SCLT1: variants seen among roughly 807,000 people sequenced by gnomAD.
The protein encoded by SCLT1 is sodium channel and clathrin linker 1.
Under a neutral mutation model 112.8 loss-of-function variants are expected in SCLT1, and 78 were observed. The ratio of observed to expected loss-of-function variants is 0.69; its 90% confidence interval spans 0.58 to 0.83. SCLT1 has a LOEUF of 0.83. SCLT1 is among the 40% of genes least tolerant of loss of function. SCLT1 has a pLI of 0.00. For synonymous variants in SCLT1, 257 were observed against 254.7 expected (o/e 1.01, Z -0.09); for missense variants, 747 against 770.4 (o/e 0.97, Z 0.36).
chr4:128,965,554 T>C lies in SCLT1; in HGVS notation c.778-236A>G, dbSNP rs542684958. 5.3e-5 allele frequency among the ~76,000 whole-genome samples: 8 copies of C among 152,320 alleles called. No individual in the cohort carries two copies. In the East Asian group the frequency reaches 1.2e-3, roughly 22 times the overall value. ...AAATACTCCAAACAGTTATTGCACA[T>C]AGATTTCTACCAATATTTCAAACTA... is the stretch of plus-strand genomic sequence containing the variant. On this transcript the variant is annotated intron_variant, in intron 10 of 20. Transcript: ENST00000281142.
At chr4:128,936,900 C>T (rs556331778) in intron 17 of SCLT1, 49 bp from the exon 18 acceptor site, 2 of 804,628 alleles carry the variant, frequency 2.5e-6, no homozygotes, top group East Asian at 3.0e-5. Context: ...CTTATAGGTG[C>T]TATACAGATC....
chr4:128,961,301 G>C (rs1322203946), intron 11 of SCLT1, among the ~76,000 whole-genome samples: 1 of 152,028 alleles, frequency 6.6e-6, no homozygotes, highest in African/African-American at 2.4e-5. Flanking sequence ...CTAATGGCCA[G>C]TTGTATGAAT....
intron 4 of SCLT1, chr4:129,040,118 G>A (rs1747571857): frequency 1.4e-6 from 1 of 695,936 alleles, no homozygotes; most frequent in East Asian, 2.7e-5. Context: ...TTTCAACCGA[G>A]AAGATCAAGG....
intron 2 of SCLT1, among the ~76,000 whole-genome samples, chr4:129,078,511 A>T (rs1751655368): frequency 6.6e-6 from 1 of 151,884 alleles, no homozygotes; most frequent in Non-Finnish European, 1.5e-5. Context: ...TATCACTTAA[A>T]TTATTACAGT....
chr4:128,936,700 G>A lies in SCLT1; in HGVS notation c.1784C>T (p.Thr595Met), dbSNP rs373795627. ...QKAANRWKEE[T>M]KKLTESAEIR... Reference sequence around the variant, plus strand: ...TTCTGCACTTTCAGTAAGTTTCTTCGTTTCTTCTTTCCACCTATTGGCTGC... The same window carrying A: ...TTCTGCACTTTCAGTAAGTTTCTTCATTTCTTCTTTCCACCTATTGGCTGC... The change falls in exon 18 of 21, where the codon ACG becomes ATG. Residue 595 changes from threonine (T) to methionine (M), a missense_variant. Coordinates refer to ENST00000281142, the MANE Select transcript of SCLT1 (RefSeq NM_144643.4). 1.5e-5 allele frequency: 24 copies of A among 1,606,470 alleles called. 1 individual carries two copies. The South Asian group carries it at 1.6e-4, about 10-fold the overall frequency.
At chr4:129,023,403 T>C (rs915878220) in intron 5 of SCLT1, among the ~76,000 whole-genome samples, 1 of 152,106 alleles carries the variant, frequency 6.6e-6, no homozygotes, top group African/African-American at 2.4e-5. Flanking sequence ...AGGAGACCTA[T>C]CTCACGTGTA....
chr4:128,997,995 TA>T lies in SCLT1; in HGVS notation c.550-57del, dbSNP rs1015299743. 11 of 814,560 alleles carry T rather than the reference TA, an allele frequency of 1.4e-5. No homozygotes were observed. The African/African-American group carries it at 1.8e-4, about 13-fold the overall frequency. 50.5% of individuals were successfully genotyped at this position (814,560 alleles called of 1,614,324 possible). On this transcript the variant is annotated intron_variant, in intron 7 of 20. Coordinates refer to ENST00000281142, the MANE Select transcript of SCLT1 (RefSeq NM_144643.4). ...ATAGCATTTTGTTGTTTATAACCCA[TA>T]TTTAAAATTAAACTAAAATCAAGTC...
At chr4:129,005,113 A>T (rs1363508222) in intron 5 of SCLT1, among the ~76,000 whole-genome samples, 2 of 152,112 alleles carry the variant, frequency 1.3e-5, no homozygotes, top group Non-Finnish European at 2.9e-5. Context: ...TAGACCAATG[A>T]CATACTGTAT....
chr4:128,927,955 A>T lies in SCLT1; in HGVS notation c.1829+8700T>A, dbSNP rs1021230084. On this transcript the variant is annotated intron_variant, in intron 18 of 20. Coordinates refer to ENST00000281142, the MANE Select transcript of SCLT1 (RefSeq NM_144643.4). ...CAGATGCTGCAGACATTAAATGGAC[A>T]ATAATATGAAAAACATCCAAAAATA... is the stretch of plus-strand genomic sequence containing the variant. 3.9e-5 allele frequency among the ~76,000 whole-genome samples: 6 copies of T among 152,164 alleles called. No individual in the cohort carries two copies. In the South Asian group the frequency reaches 1.2e-3, roughly 32 times the overall value.
chr4:128,927,004 G>C (rs951893000), intron 18 of SCLT1, among the ~76,000 whole-genome samples: 1 of 151,146 alleles, frequency 6.6e-6, no homozygotes, highest in Non-Finnish European at 1.5e-5. Flanking sequence ...AAAACCAAAT[G>C]AATTAAAAAG....
chr4:128,910,371 T>G (rs1339928481), intron 18 of SCLT1, among the ~76,000 whole-genome samples: 25 of 152,244 alleles, frequency 1.6e-4, no homozygotes, highest in Admixed American at 1.6e-3. Flanking sequence ...CTTTGCTATG[T>G]TTAAAGGAGA....
intron 5 of SCLT1, among the ~76,000 whole-genome samples, chr4:129,015,484 A>G (rs1744911979): frequency 6.6e-6 from 1 of 152,064 alleles, no homozygotes; most frequent in Non-Finnish European, 1.5e-5. Context: ...GAGCTGGGGC[A>G]AGTCCACCCT....
chr4:128,994,495 A>G (rs764278894), intron 8 of SCLT1, among the ~76,000 whole-genome samples: 3 of 152,138 alleles, frequency 2.0e-5, no homozygotes, highest in Non-Finnish European at 4.4e-5. Flanking sequence ...ATATCTCTTC[A>G]AGATCTTAAT....
chr4:128,975,587 A>AT (rs1741100434), intron 9 of SCLT1, among the ~76,000 whole-genome samples: 1 of 152,204 alleles, frequency 6.6e-6, no homozygotes, highest in South Asian at 2.1e-4. Flanking sequence ...TTTTGCATAC[A>AT]GTGAAAAATG....
intron 4 of SCLT1, 28 bp downstream of exon 4, chr4:129,043,367 C>T (rs952998912): frequency 1.8e-6 from 2 of 1,129,472 alleles, no homozygotes; most frequent in East Asian, 2.4e-5. Flanking sequence ...TAAAATATTA[C>T]AAAAGCCTCA....
intron 2 of SCLT1, among the ~76,000 whole-genome samples, chr4:129,068,860 T>C (rs1213970579): frequency 6.6e-6 from 1 of 152,216 alleles, no homozygotes; most frequent in Non-Finnish European, 1.5e-5. Flanking sequence ...AGCCAATGTC[T>C]AGAAGGGTTG....
chr4:129,003,611 T>C (rs1743725595), intron 6 of SCLT1, 130 bp downstream of exon 6: 1 of 750,944 alleles, frequency 1.3e-6, no homozygotes, highest in Admixed American at 3.4e-5. Flanking sequence ...CCTGTAACGA[T>C]TCTTATAAAC....
chr4:129,013,537 GAAAA>G (rs1287777322), intron 5 of SCLT1, among the ~76,000 whole-genome samples: 1 of 152,070 alleles, frequency 6.6e-6, no homozygotes, highest in Non-Finnish European at 1.5e-5. Context: ...TTGCTTGCCT[GAAAA>G]TGATCTTATT....
intron 18 of SCLT1, among the ~76,000 whole-genome samples, chr4:128,909,561 C>T (rs1471827005): frequency 6.6e-6 from 1 of 152,158 alleles, no homozygotes; most frequent in Non-Finnish European, 1.5e-5. Flanking sequence ...AAACTTTTTG[C>T]ATGGTACTTA....
Sources: gnomAD v4.1 joint callset for allele counts (sites outside exome capture counted in the v4.1 genomes callset) on GRCh38, gnomAD v4.1.1 for gene constraint, MANE v1.5 for transcripts, NCBI Gene and HGNC (gene_info 2026-07-23, HGNC 2026-07-21) for gene names.